The following PEBP4 variants were observed in gnomAD, a reference collection of about 807,000 sequenced individuals.
PEBP4 encodes the protein phosphatidylethanolamine binding protein 4.
Under a neutral mutation model 23.9 loss-of-function variants are expected in PEBP4, and 22 were observed. The ratio of observed to expected loss-of-function variants is 0.92; its 90% CI spans 0.66 to 1.31. The LOEUF (loss-of-function observed/expected upper bound fraction) is 1.31, where lower values mean the gene tolerates loss of function less well. Among genes scored for constraint, PEBP4 ranks in the 40% most tolerant of loss-of-function variants. The pLI is 0.00. For synonymous variants in PEBP4, 112 were observed against 99.3 expected (o/e 1.13, Z -0.76); for missense variants, 324 against 281.7 (o/e 1.15, Z -1.07).
intron 3 of PEBP4, among the ~76,000 whole-genome samples, chr8:22,908,403 A>C (rs569965205): frequency 6.6e-6 from 1 of 151,922 alleles, no homozygotes. Context: ...CAAAAAAAAA[A>C]ACCTGTCTAG....
intron 3 of PEBP4, among the ~76,000 whole-genome samples, chr8:22,838,715 G>C (rs936341374): frequency 8.5e-5 from 13 of 152,400 alleles, no homozygotes; most frequent in Admixed American, 3.9e-4. Context: ...CTGGCGCTGA[G>C]CTGTGGCTCG....
In PEBP4 at chr8:22,778,756, G is replaced by C. The variant is rs536315694; in HGVS notation, c.357+38881C>G. Among the ~76,000 whole-genome samples, 375 of 152,254 alleles carry C rather than the reference G, an allele frequency of 2.5e-3. 2 individuals carry two copies. Among genetic ancestry groups the C allele is most frequent in the African/African-American group, 8.5e-3 (352 of 41,552 alleles). On this transcript the variant is annotated intron_variant, in intron 4 of 6. Transcript: ENST00000256404. ...GCTGTCTCGTGGCTGCTGGGCTCCC[G>C]GATGGCTCCCCAGCCTTCCTTCTTG...
intron 3 of PEBP4, among the ~76,000 whole-genome samples, chr8:22,904,589 A>C (rs1021869207): frequency 2.3e-4 from 35 of 152,232 alleles, no homozygotes; most frequent in Non-Finnish European, 4.7e-4. Flanking sequence ...GACAAGTGTA[A>C]AGGAGAAAAT....
intron 1 of PEBP4, among the ~76,000 whole-genome samples, chr8:22,936,030 A>G (rs1809534550): frequency 6.6e-6 from 1 of 151,592 alleles, no homozygotes; most frequent in South Asian, 2.1e-4. Flanking sequence ...AAAAAAAAAA[A>G]AAGAACAAGA....
intron 1 of PEBP4, among the ~76,000 whole-genome samples, chr8:22,938,382 C>A (rs894775710): frequency 6.6e-6 from 1 of 152,214 alleles, no homozygotes. Context: ...CTTACTTTTG[C>A]TCACCTTCAT....
chr8:22,866,687 T>C (rs543184754), intron 3 of PEBP4, among the ~76,000 whole-genome samples: 919 of 152,130 alleles, frequency 6.0e-3, no homozygotes, highest in Non-Finnish European at 8.4e-3. Flanking sequence ...ATGCTTCCAA[T>C]TAAAATACAT....
intron 3 of PEBP4, among the ~76,000 whole-genome samples, chr8:22,843,948 A>G (rs1472417252): frequency 6.6e-6 from 1 of 152,146 alleles, no homozygotes; most frequent in Non-Finnish European, 1.5e-5. Flanking sequence ...TGGCTTTTCC[A>G]TTGCCAGAGC....
At chr8:22,919,259 A>G (rs2466217) in intron 3 of PEBP4, among the ~76,000 whole-genome samples, 96,173 of 151,994 alleles carry the variant, frequency 0.63, 30,863 homozygotes, top group East Asian at 0.79. Context: ...CTGCACAGAA[A>G]GGACCAGAAG....
At chr8:22,877,677 C>G (rs1365749252) in intron 3 of PEBP4, among the ~76,000 whole-genome samples, 4 of 147,762 alleles carry the variant, frequency 2.7e-5, no homozygotes, top group African/African-American at 9.9e-5. Context: ...CCACCTCCCC[C>G]TCCTGTTATG....
chr8:22,891,927 G>A (rs1321640196), intron 3 of PEBP4, among the ~76,000 whole-genome samples: 1 of 152,164 alleles, frequency 6.6e-6, no homozygotes, highest in Non-Finnish European at 1.5e-5. Flanking sequence ...CAAAAAATTA[G>A]TCGGGTATGG....
chr8:22,806,169 A>G (rs544488249), intron 4 of PEBP4, among the ~76,000 whole-genome samples: 2 of 152,380 alleles, frequency 1.3e-5, no homozygotes, highest in East Asian at 1.9e-4. Flanking sequence ...GAACCTAAAT[A>G]TAGAACTTTA....
At chr8:22,926,722 T>C (rs1809343230) in intron 2 of PEBP4, among the ~76,000 whole-genome samples, 1 of 152,222 alleles carries the variant, frequency 6.6e-6, no homozygotes, top group African/African-American at 2.4e-5. Flanking sequence ...AAAAGTAATG[T>C]TTGTCAAAAA....
chr8:22,877,322 A>C (rs1023307421), intron 3 of PEBP4, among the ~76,000 whole-genome samples: 1 of 152,118 alleles, frequency 6.6e-6, no homozygotes, highest in African/African-American at 2.4e-5. Flanking sequence ...GTGAATCAAA[A>C]CGTCAGGTCC....
chr8:22,852,782 G>A (rs962462762), intron 3 of PEBP4, among the ~76,000 whole-genome samples: 2 of 151,958 alleles, frequency 1.3e-5, no homozygotes, highest in Admixed American at 6.6e-5. Context: ...ACCAGGTCCT[G>A]AGCAATTAAC....
chr8:22,901,354 C>T (rs1290131609), intron 3 of PEBP4, among the ~76,000 whole-genome samples: 3 of 152,270 alleles, frequency 2.0e-5, no homozygotes, highest in African/African-American at 7.2e-5. Context: ...TGGATCGGGA[C>T]TCTGTCTTGT....
intron 3 of PEBP4, among the ~76,000 whole-genome samples, chr8:22,873,301 C>T (rs778453558): frequency 6.6e-6 from 1 of 152,128 alleles, no homozygotes; most frequent in Non-Finnish European, 1.5e-5. Context: ...TTATATTTTT[C>T]CATTTACGTT....
intron 3 of PEBP4, among the ~76,000 whole-genome samples, chr8:22,878,731 G>A (rs1808181360): frequency 6.6e-6 from 1 of 152,226 alleles, no homozygotes; most frequent in Non-Finnish European, 1.5e-5. Context: ...TCAGAGAGGA[G>A]GCTTGGAGCT....
At position 22,717,360 on chromosome 8, in the gene PEBP4, A is replaced by G. The variant is rs190324128; in HGVS notation, c.518-3824T>C. Reference sequence around the variant, plus strand: ...ACAGGCCCACTCTTAAGACTTCCCAACAGCCGAGGACAGCAGTTCCTGGGT... The same window carrying G: ...ACAGGCCCACTCTTAAGACTTCCCAGCAGCCGAGGACAGCAGTTCCTGGGT... On this transcript the variant is annotated intron_variant, in intron 6 of 6. Transcript: ENST00000256404. Among the ~76,000 whole-genome samples, 216 of 152,292 alleles carry G rather than the reference A, an allele frequency of 1.4e-3. 1 individual carries two copies. The highest frequency in any genetic ancestry group is 5.0e-3 in the African/African-American group (206 of 41,560).
At chr8:22,925,070 G>A in intron 2 of PEBP4, 1 of 985,358 alleles carries the variant, frequency 1.0e-6, no homozygotes, top group Non-Finnish European at 1.2e-6. Flanking sequence ...GTCAGTGCAG[G>A]AGGTCCTGCT....
Sources: allele counts gnomAD v4.1 joint callset (sites outside exome capture counted in the v4.1 genomes callset), GRCh38; gene constraint gnomAD v4.1.1; transcripts MANE v1.5; gene names NCBI Gene and HGNC (gene_info 2026-07-23, HGNC 2026-07-21).